ADGRV1: variants seen among roughly 807,000 people sequenced by gnomAD.
ADGRV1 encodes the protein adhesion G protein-coupled receptor V1.
Under a neutral mutation model 596.2 loss-of-function variants are expected in ADGRV1, and 359 were observed. That is an observed-to-expected ratio of 0.60 (90% CI 0.55 to 0.66). The LOEUF (loss-of-function observed/expected upper bound fraction) is 0.66. ADGRV1 is among the 30% of genes least tolerant of loss of function. The pLI is 0.00. For synonymous variants in ADGRV1, 2,681 were observed against 2,679.2 expected, an observed-to-expected ratio of 1.00 and a Z score of -0.02; for missense variants, 7,274 against 7,575.6, an observed-to-expected ratio of 0.96 and a Z score of 1.48.
intron 82 of ADGRV1, among the ~76,000 whole-genome samples, chr5:90,859,373 T>A (rs1767328282): frequency 6.6e-6 from 1 of 152,202 alleles, no homozygotes; most frequent in Non-Finnish European, 1.5e-5. Flanking sequence ...TTTTGCTATG[T>A]GTCAAGTTCA....
intron 84 of ADGRV1, 21 bp downstream of exon 84, chr5:90,965,552 C>T: frequency 7.3e-7 from 1 of 1,366,590 alleles, no homozygotes. Flanking sequence ...CATTCCCTCT[C>T]CCCGCCCCTT....
At chr5:90,682,200 A>G (rs1421997912) in intron 27 of ADGRV1, among the ~76,000 whole-genome samples, 1 of 152,148 alleles carries the variant, frequency 6.6e-6, no homozygotes, top group Non-Finnish European at 1.5e-5. Context: ...GGCTCTGATT[A>G]TTAGTCACTT....
At chr5:90,608,788 A>T (rs945468728) in intron 1 of ADGRV1, among the ~76,000 whole-genome samples, 10 of 152,212 alleles carry the variant, frequency 6.6e-5, no homozygotes, top group Admixed American at 6.5e-4. Context: ...AGATTCCAGG[A>T]TGATAGAAAC....
At chr5:91,108,346 T>A (rs1792072876) in intron 87 of ADGRV1, among the ~76,000 whole-genome samples, 1 of 152,196 alleles carries the variant, frequency 6.6e-6, no homozygotes. Context: ...ACTGATTTTA[T>A]CAACACCTGT....
In ADGRV1 at chr5:90,637,753, C is replaced by T. The variant is rs778971176; in HGVS notation, c.2045C>T (p.Thr682Ile). The change falls in exon 11 of 90, where the codon ACT becomes ATT. Residue 682 changes from threonine to isoleucine, a missense_variant. Coordinates refer to ENST00000405460, the MANE Select transcript of ADGRV1 (RefSeq NM_032119.4). ...VVYIPLHRDG[T>I]DGQATVYWSL... ...TACATTCCCTTACATCGGGATGGAA[C>T]TGATGGCCAGGCTACTGTCTACTGG... 1.2e-6 allele frequency: 2 copies of T among 1,612,760 alleles called. No homozygotes were observed. Among genetic ancestry groups the T allele is most frequent in the African/African-American group, 2.7e-5 (2 of 74,868 alleles).
rs187018827 is a variant in ADGRV1, at chr5:90,623,939, C to T, written c.559-1191C>T. On this transcript the variant is annotated intron_variant, in intron 5 of 89. Coordinates refer to ENST00000405460, the MANE Select transcript of ADGRV1 (RefSeq NM_032119.4). Reference sequence around the variant, plus strand: ...TCTATGAGATACACATTTAAATCTTCAACTAATTTTTGTGTTTTTTAGGAT... The same window carrying T: ...TCTATGAGATACACATTTAAATCTTTAACTAATTTTTGTGTTTTTTAGGAT... Among the ~76,000 whole-genome samples, 390 of 152,292 alleles carry T rather than the reference C, an allele frequency of 2.6e-3. 4 individuals are homozygous for T. In the South Asian group the frequency reaches 0.031, roughly 12 times the overall value.
At chr5:91,143,094 T>G (rs1582194552) in intron 87 of ADGRV1, among the ~76,000 whole-genome samples, 1 of 152,156 alleles carries the variant, frequency 6.6e-6, no homozygotes. Context: ...GCACTGGCTG[T>G]CTGTGAGGCT....
chr5:91,131,629 T>C (rs1422753035), intron 87 of ADGRV1, among the ~76,000 whole-genome samples: 6 of 152,100 alleles, frequency 3.9e-5, no homozygotes, highest in Non-Finnish European at 5.9e-5. Context: ...GTGCAATTTT[T>C]AATGGGGTTG....
chr5:90,783,865 A>T lies in ADGRV1; in HGVS notation c.13461A>T (p.Leu4487=), dbSNP rs1248470540. 1 of 1,609,112 alleles carries T rather than the reference A, an allele frequency of 6.2e-7. No homozygotes were observed. Among genetic ancestry groups the T allele is most frequent in the African/African-American group, 1.3e-5 (1 of 74,848 alleles). The part of the protein sequence containing the change: ...ESEFEEPIEI[L]LTGATGGAVL... ...AATTTGAGGAGCCCATTGAAATTCT[A>T]CTCACTGGAGCTACTGGAGGAGCGG... Residue 4487 remains leucine, a synonymous_variant, in exon 67 of 90, where the codon CTA becomes CTT. Coordinates refer to ENST00000405460, the MANE Select transcript of ADGRV1 (RefSeq NM_032119.4).
intron 87 of ADGRV1, among the ~76,000 whole-genome samples, chr5:91,108,253 A>T (rs956964623): frequency 6.6e-6 from 1 of 152,176 alleles, no homozygotes. Context: ...ATGGCTACAT[A>T]GTATTAACAG....
At chr5:91,146,063 C>T (rs771080162) in intron 87 of ADGRV1, among the ~76,000 whole-genome samples, 6 of 152,140 alleles carry the variant, frequency 3.9e-5, no homozygotes, top group Middle Eastern at 3.2e-3. Context: ...TGCCATTTTT[C>T]GCAAAATGAA....
At chr5:90,789,120 C>T (rs1256146788) in intron 68 of ADGRV1, among the ~76,000 whole-genome samples, 1 of 152,144 alleles carries the variant, frequency 6.6e-6, no homozygotes, top group African/African-American at 2.4e-5. Flanking sequence ...TCCAGGAAAC[C>T]TCAGTTTTTG....
rs964318501 is a variant in ADGRV1 at position 90,726,341 on chromosome 5, A to G, written c.10161+685A>G. On this transcript the variant is annotated intron_variant, in intron 48 of 89. Coordinates refer to ENST00000405460, the MANE Select transcript of ADGRV1 (RefSeq NM_032119.4). ...TCTCTCTCTCTATTTGGTTACTACA[A>G]TCAGCCTAAATGTTCTAGCTTCACC... is the stretch of plus-strand genomic sequence containing the variant. Among the ~76,000 whole-genome samples the G allele has an allele frequency of 2.0e-5, 3 of 152,152 alleles. No individual in the cohort carries two copies. The East Asian group carries it at 5.8e-4, about 29-fold the overall frequency.
At chr5:90,834,158 C>G (rs1219613921) in intron 77 of ADGRV1, among the ~76,000 whole-genome samples, 1 of 152,116 alleles carries the variant, frequency 6.6e-6, no homozygotes, top group African/African-American at 2.4e-5. Context: ...TCTTTCTACA[C>G]AAGAAATGAG....
intron 23 of ADGRV1, 135 bp from the exon 24 acceptor site, chr5:90,675,108 T>C (rs747401012): frequency 1.6e-6 from 1 of 621,352 alleles, no homozygotes; most frequent in East Asian, 2.8e-5. Flanking sequence ...AAATCTTTGC[T>C]AAAATATTTT....
chr5:90,908,582 T>C (rs577127126), intron 83 of ADGRV1, among the ~76,000 whole-genome samples: 1 of 152,352 alleles, frequency 6.6e-6, no homozygotes, highest in African/African-American at 2.4e-5. Flanking sequence ...TACAGACTTT[T>C]TGCTTGCCTT....
intron 33 of ADGRV1, 89 bp downstream of exon 33, chr5:90,694,790 T>A: frequency 5.1e-6 from 6 of 1,174,706 alleles, no homozygotes; most frequent in Non-Finnish European, 7.0e-6. Flanking sequence ...ATTCTTACTG[T>A]GTACATTCTT....
intron 70 of ADGRV1, among the ~76,000 whole-genome samples, chr5:90,797,604 A>C (rs1760888295): frequency 6.6e-6 from 1 of 152,162 alleles, no homozygotes; most frequent in Non-Finnish European, 1.5e-5. Flanking sequence ...CAGGACTTGA[A>C]CTCAGCTCTG....
intron 87 of ADGRV1, among the ~76,000 whole-genome samples, chr5:91,124,171 T>G (rs1232102331): frequency 6.6e-6 from 1 of 152,194 alleles, no homozygotes; most frequent in Non-Finnish European, 1.5e-5. Flanking sequence ...TAGAATTTTT[T>G]TGTGTGTATT....
Sources: gnomAD v4.1 joint callset for allele counts (sites outside exome capture counted in the v4.1 genomes callset) on GRCh38, gnomAD v4.1.1 for gene constraint, MANE v1.5 for transcripts, NCBI Gene and HGNC (gene_info 2026-07-23, HGNC 2026-07-21) for gene names.